The following MACF1 variants were observed in gnomAD, a reference collection of about 807,000 sequenced individuals.
MACF1 encodes the protein microtubule actin crosslinking factor 1, also known as microtubule-actin cross-linking factor 1.
In MACF1, 193 loss-of-function variants were observed where a neutral mutation model predicts 854.8. The ratio of observed to expected loss-of-function variants is 0.23; its 90% CI spans 0.20 to 0.25. MACF1 has a LOEUF of 0.25. MACF1 is among the 10% of genes least tolerant of loss of function. The pLI, the probability that MACF1 is intolerant of heterozygous loss-of-function variation, is 1.00. For synonymous variants in MACF1, 3,185 were observed against 3,226.7 expected, an observed-to-expected ratio of 0.99 and a Z score of 0.44; for missense variants, 7,722 against 8,929.1, an observed-to-expected ratio of 0.86 and a Z score of 5.45.
Position 39,101,388 on chromosome 1 carries a change from A to ATATG in MACF1, c.220+16951_220+16952insATGT, listed in dbSNP as rs1553130076. On this transcript the variant is annotated intron_variant, in intron 2 of 93. Transcript: ENST00000361689. Reference sequence around the variant, plus strand: ...AAAAAAAATATGTATATATATATATATGTGTGTGTATATGTATATTTTTAG... The same window carrying ATATG: ...AAAAAAAATATGTATATATATATATATATGTGTGTGTGTATATGTATATTTTTAG... Among the ~76,000 whole-genome samples, 758 of 142,560 alleles carry ATATG rather than the reference A, an allele frequency of 5.3e-3. 10 individuals carry two copies. The highest frequency in any genetic ancestry group is 0.017 in the East Asian group (82 of 4,758). The allele number at this position is 142,560 out of a possible 152,430, so 93.5% of individuals were successfully genotyped here.
At chr1:39,477,217 C>T (rs1327536653) in intron 97 of MACF1, among the ~76,000 whole-genome samples, 5 of 147,544 alleles carry the variant, frequency 3.4e-5, no homozygotes, top group South Asian at 2.2e-4. Flanking sequence ...TGAGATTAAG[C>T]GACTTTTGTT....
chr1:39,416,588 C>T (rs1258856424), intron 58 of MACF1, among the ~76,000 whole-genome samples: 2 of 152,004 alleles, frequency 1.3e-5, no homozygotes, highest in Non-Finnish European at 2.9e-5. Context: ...ATCAAATCTG[C>T]ATAAAGGGGA....
chr1:39,301,018 A>G (rs1012844499), intron 22 of MACF1, among the ~76,000 whole-genome samples: 1 of 151,958 alleles, frequency 6.6e-6, no homozygotes, highest in Admixed American at 6.7e-5. Flanking sequence ...CTGTCTCAAA[A>G]AAAATAAAAG....
intron 71 of MACF1, among the ~76,000 whole-genome samples, chr1:39,438,545 G>T (rs1177702925): frequency 1.3e-5 from 2 of 152,240 alleles, no homozygotes; most frequent in African/African-American, 4.8e-5. Flanking sequence ...AGCACTTTGG[G>T]AGGCTGAGGT....
rs554584704 is a variant in MACF1 at position 39,439,211 on chromosome 1, G to A, written c.18221-63G>A. On this transcript the variant is annotated intron_variant, in intron 71 of 100. Transcript: ENST00000564288. The stretch of plus-strand genomic sequence containing the variant: ...AAGGTCAGAGTTACATGGAATTTCT[G>A]AATAGACCAATTTCAGGCTCTTCAG... The A allele has an allele frequency of 5.9e-4, 555 of 936,540 alleles. 9 individuals are homozygous for A. In the South Asian group the frequency reaches 6.9e-3, roughly 12 times the overall value. 58.0% of individuals were successfully genotyped at this position (936,540 alleles called of 1,614,324 possible). A position where few individuals can be genotyped will look rare whatever the true frequency, so the allele number is the denominator to read the frequency against.
intron 47 of MACF1, among the ~76,000 whole-genome samples, chr1:39,360,012 A>AAAATAT (rs1557608845): frequency 4.2e-4 from 12 of 28,820 alleles, no homozygotes; most frequent in Non-Finnish European, 6.4e-4. Flanking sequence ...AAAAAAAAAA[A>AAAATAT]ATATATATAT....
intron 2 of MACF1, among the ~76,000 whole-genome samples, chr1:39,097,542 C>T (rs560079265): frequency 1.2e-4 from 18 of 151,900 alleles, no homozygotes; most frequent in East Asian, 5.8e-4. Flanking sequence ...GGTTACATGG[C>T]GAAACCCCAT....
In MACF1 at chr1:39,336,666, CTTTT is replaced by C; in HGVS notation, c.10065+22_10065+25del. On this transcript the variant is annotated intron_variant, in intron 37 of 100. Transcript: ENST00000564288. ...CAGAGCAACTCAGGTCAGTGGTGTG[CTTTT>C]TTTTTTTTCTTCCTAAAGATACAAT... 8.3e-7 allele frequency: 1 copy of C among 1,212,086 alleles called. No homozygotes were observed. The highest frequency in any genetic ancestry group is 1.1e-6 in the Non-Finnish European group (1 of 894,524). 75.1% of individuals were successfully genotyped at this position (1,212,086 alleles called of 1,614,324 possible).
intron 2 of MACF1, among the ~76,000 whole-genome samples, chr1:39,085,048 G>A (rs1252286621): frequency 6.6e-6 from 1 of 152,134 alleles, no homozygotes; most frequent in Non-Finnish European, 1.5e-5. Context: ...GGTGGGATGT[G>A]CCCAGCTCTT....
intron 36 of MACF1, among the ~76,000 whole-genome samples, chr1:39,328,105 T>G (rs1335053631): frequency 6.6e-6 from 1 of 152,222 alleles, no homozygotes; most frequent in African/African-American, 2.4e-5. Context: ...GTCCAGATGA[T>G]GCTCAAAATG....
chr1:39,233,338 C>T (rs1043898825), intron 2 of MACF1, among the ~76,000 whole-genome samples: 1 of 152,270 alleles, frequency 6.6e-6, no homozygotes. Flanking sequence ...CTGGCCAACC[C>T]AGGTCTTTCT....
chr1:39,411,748 C>T, intron 58 of MACF1: 1 of 1,613,802 alleles, frequency 6.2e-7, no homozygotes. Flanking sequence ...TTCTGAAGGG[C>T]TGGCTGCATC....
intron 43 of MACF1, among the ~76,000 whole-genome samples, chr1:39,351,581 CTT>C (rs36123797): frequency 2.4e-4 from 21 of 85,902 alleles, no homozygotes; most frequent in African/African-American, 6.1e-4. Context: ...AAGCAAATGG[CTT>C]TTTTTTTTTT....
intron 2 of MACF1, among the ~76,000 whole-genome samples, chr1:39,148,466 A>T (rs1487969925): frequency 6.6e-6 from 1 of 152,158 alleles, no homozygotes; most frequent in African/African-American, 2.4e-5. Context: ...GTGACCAAAA[A>T]TCCTACCATT....
rs1491243317 is a variant in MACF1, at chr1:39,394,270, G to GATTT, written c.15816+5615_15816+5616insTATT. On this transcript the variant is annotated intron_variant, in intron 58 of 100. Transcript: ENST00000564288. ...TGATTGATTGATTGATTGATTGATT[G>GATTT]ATTGATTTATTGCCACATAGAAAGC... Among the ~76,000 whole-genome samples the GATTT allele has an allele frequency of 1.8e-3, 266 of 150,766 alleles. 2 individuals carry two copies. Among genetic ancestry groups the GATTT allele is most frequent in the Non-Finnish European group, 2.4e-3 (165 of 67,758 alleles).
intron 84 of MACF1, among the ~76,000 whole-genome samples, chr1:39,450,034 T>A (rs539324588): frequency 1.4e-4 from 22 of 152,070 alleles, no homozygotes; most frequent in Non-Finnish European, 7.4e-5. Context: ...TAATTTTTTT[T>A]AATATTTTTA....
At chr1:39,169,512 G>A (rs1020916764) in intron 2 of MACF1, among the ~76,000 whole-genome samples, 3 of 151,670 alleles carry the variant, frequency 2.0e-5, no homozygotes, top group African/African-American at 7.3e-5. Flanking sequence ...GGATGAAGTG[G>A]GAGGATTGCT....
At position 39,335,965 on chromosome 1, in the gene MACF1, C is replaced by T; in HGVS notation, c.9377C>T (p.Pro3126Leu). 6.2e-7 allele frequency: 1 copy of T among 1,614,122 alleles called. No individual in the cohort carries two copies. Among genetic ancestry groups the T allele is most frequent in the Non-Finnish European group, 8.5e-7 (1 of 1,179,998 alleles). Residue 3126 changes from proline (P) to leucine (L), a missense_variant, in exon 37 of 101, where the codon CCA (proline) becomes CTA (leucine). By Grantham distance (98) the Pro-to-Leu change is moderately conservative. This residue lies in a region of MACF1 where 854 missense variants were observed against 852.6 expected (regional missense o/e 1.00). Coordinates refer to ENST00000564288, the MANE Select transcript of MACF1 (RefSeq NM_001394062.1). Reference protein sequence around the residue: ...ESDGKAQVTGPSQISKTDKSF... With the variant: ...ESDGKAQVTGLSQISKTDKSF... Reference sequence around the variant, plus strand: ...GATGGAAAAGCCCAAGTGACAGGCCCATCCCAAATTTCCAAAACAGACAAG... The same window carrying T: ...GATGGAAAAGCCCAAGTGACAGGCCTATCCCAAATTTCCAAAACAGACAAG...
rs1438465624 is a variant in MACF1, at chr1:39,455,079, C to T, written c.21057C>T (p.Ala7019=). Residue 7019 remains alanine, a synonymous_variant, in exon 89 of 101, where the codon GCC becomes GCT. Coordinates refer to ENST00000564288, the MANE Select transcript of MACF1 (RefSeq NM_001394062.1). ...CGCAGAACATTGACCGAGTTAAAGC[C>T]CTTATCGCTGAGCATCAGGTATCTT... The part of the protein sequence containing the change: ...PIPQNIDRVK[A]LIAEHQTFME... 2 of 1,613,972 alleles carry T rather than the reference C, an allele frequency of 1.2e-6. No homozygotes were observed. The highest frequency in any genetic ancestry group is 1.7e-6 in the Non-Finnish European group (2 of 1,179,942).
Sources: gnomAD v4.1 joint callset for allele counts (sites outside exome capture counted in the v4.1 genomes callset) on GRCh38, gnomAD v4.1.1 for gene constraint, gnomAD v4.1.1 regional missense constraint, MANE v1.5 for transcripts, NCBI Gene and HGNC (gene_info 2026-07-23, HGNC 2026-07-21) for gene names.